P2RY8: variants seen among roughly 807,000 people sequenced by gnomAD.
P2RY8 encodes the protein P2Y receptor family member 8.
In P2RY8, 6 loss-of-function variants were observed where a neutral mutation model predicts 10.0. The ratio of observed to expected loss-of-function variants is 0.60; its 90% confidence interval spans 0.33 to 1.19. The LOEUF (loss-of-function observed/expected upper bound fraction) is 1.19, where lower values mean the gene tolerates loss of function less well. P2RY8 is among the 50% of genes most tolerant of loss of function. The probability of loss-of-function intolerance (pLI) is 0.04; values close to 1 mark genes in which losing one functional copy is unlikely to be tolerated. For synonymous variants in P2RY8, 276 were observed against 252.5 expected (o/e 1.09, Z -0.88); for missense variants, 456 against 542.0 (o/e 0.84, Z 1.58).
At chrX:1,511,689 T>G (rs1227236150) in intron 1 of P2RY8, among the ~76,000 whole-genome samples, 6 of 152,038 alleles carry the variant, frequency 3.9e-5, no homozygotes, top group African/African-American at 1.5e-4. Context: ...CCAACCAATC[T>G]CGTGATTTTA....
intron 1 of P2RY8, among the ~76,000 whole-genome samples, chrX:1,484,087 A>C (rs2149386381): frequency 6.6e-6 from 1 of 152,148 alleles, no homozygotes; most frequent in East Asian, 1.9e-4. Flanking sequence ...ATACCTAAAA[A>C]GCTGGGTTCC....
chrX:1,513,475 T>C (rs1236256580), intron 1 of P2RY8, among the ~76,000 whole-genome samples: 2 of 151,158 alleles, frequency 1.3e-5, no homozygotes, highest in Non-Finnish European at 3.0e-5. Flanking sequence ...TCCCTGGGCT[T>C]GTGGCCGCAT....
chrX:1,466,966 C>A (rs1251003125), intron 1 of P2RY8, among the ~76,000 whole-genome samples: 1 of 104,606 alleles, frequency 9.6e-6, no homozygotes, highest in African/African-American at 3.5e-5. Context: ...GAGGCTGAGA[C>A]TCTTAGATGA....
chrX:1,485,773 A>G (rs1391975138), intron 1 of P2RY8, among the ~76,000 whole-genome samples: 1 of 149,132 alleles, frequency 6.7e-6, no homozygotes, highest in Non-Finnish European at 1.5e-5. Flanking sequence ...TATGTTATAT[A>G]TAATTTGTGT....
chrX:1,511,732 A>G (rs2092298969), intron 1 of P2RY8, among the ~76,000 whole-genome samples: 1 of 152,186 alleles, frequency 6.6e-6, no homozygotes, highest in South Asian at 2.1e-4. Flanking sequence ...GACGGCACTG[A>G]GCATTGCCTT....
intron 1 of P2RY8, among the ~76,000 whole-genome samples, chrX:1,513,145 G>C (rs2092312241): frequency 6.6e-6 from 1 of 151,110 alleles, no homozygotes; most frequent in African/African-American, 2.4e-5. Context: ...TCTTGTGTTA[G>C]TTTGCTGAGA....
At chrX:1,524,901 C>CCATCCATA (rs2092429821) in intron 1 of P2RY8, among the ~76,000 whole-genome samples, 1 of 151,092 alleles carries the variant, frequency 6.6e-6, no homozygotes, top group Non-Finnish European at 1.5e-5. Flanking sequence ...ATCCATCCAT[C>CCATCCATA]CATCCATCCA....
intron 1 of P2RY8, among the ~76,000 whole-genome samples, chrX:1,500,835 T>G (rs1273445106): frequency 6.6e-6 from 1 of 152,050 alleles, no homozygotes; most frequent in Non-Finnish European, 1.5e-5. Context: ...TGGGCTGCCG[T>G]GGACATAGGA....
At chrX:1,486,557 T>C (rs1263422013) in intron 1 of P2RY8, among the ~76,000 whole-genome samples, 1 of 152,140 alleles carries the variant, frequency 6.6e-6, no homozygotes, top group Non-Finnish European at 1.5e-5. Flanking sequence ...TGGCTGGGAC[T>C]GGGGATGGGG....
At chrX:1,521,416 T>TTCCC (rs1556685296) in intron 1 of P2RY8, among the ~76,000 whole-genome samples, 1 of 152,014 alleles carries the variant, frequency 6.6e-6, no homozygotes, top group African/African-American at 2.4e-5. Context: ...TTCTCTCTGA[T>TTCCC]CCATCACCCC....
chrX:1,471,940 C>T (rs4303028), intron 1 of P2RY8, among the ~76,000 whole-genome samples: 81,319 of 151,876 alleles, frequency 0.54, 21,960 homozygotes, highest in South Asian at 0.65. Flanking sequence ...CCGTGCTTGT[C>T]GTCTGCTCTC....
chrX:1,501,849 T>G (rs2092183612), intron 1 of P2RY8, among the ~76,000 whole-genome samples: 1 of 152,152 alleles, frequency 6.6e-6, no homozygotes, highest in East Asian at 1.9e-4. Flanking sequence ...TGTCTCGGCC[T>G]CCCAAAGTGC....
intron 1 of P2RY8, among the ~76,000 whole-genome samples, chrX:1,516,433 A>G (rs35923669): frequency 0.31 from 46,558 of 148,398 alleles, 7,520 homozygotes; most frequent in Middle Eastern, 0.46. Flanking sequence ...AGCCTCCAGG[A>G]CTGTGGGAGA....
At chrX:1,490,968 G>C (rs1408874029) in intron 1 of P2RY8, among the ~76,000 whole-genome samples, 2 of 150,934 alleles carry the variant, frequency 1.3e-5, no homozygotes, top group Non-Finnish European at 2.9e-5. Context: ...AATGTAGAGA[G>C]AATGAATGAA....
rs551316690 is a variant in P2RY8, at chrX:1,515,421, G to C, written c.-25+21500C>G. Among the ~76,000 whole-genome samples the C allele has an allele frequency of 6.7e-5, 10 of 149,988 alleles. No individual in the cohort carries two copies. In the South Asian group the frequency reaches 1.5e-3, roughly 22 times the overall value. On this transcript the variant is annotated intron_variant, in intron 1 of 1. Coordinates refer to ENST00000381297, the MANE Select transcript of P2RY8 (RefSeq NM_178129.5). ...AGTTTTGCTCTTGTTGCCCAGGCTG[G>C]AGTGCAATGGCACAATCTCTGCTCA...
At chrX:1,529,517 C>T (rs1177230419) in intron 1 of P2RY8, among the ~76,000 whole-genome samples, 3 of 151,890 alleles carry the variant, frequency 2.0e-5, no homozygotes, top group East Asian at 3.9e-4. Flanking sequence ...ACTCCTGGGG[C>T]GTGGTGGGTG....
At chrX:1,492,150 C>A (rs1411465397) in intron 1 of P2RY8, among the ~76,000 whole-genome samples, 6 of 152,014 alleles carry the variant, frequency 3.9e-5, no homozygotes, top group Admixed American at 3.9e-4. Flanking sequence ...GTGGTCCAAG[C>A]CTTTCAATCA....
chrX:1,512,595 A>G (rs771343567), intron 1 of P2RY8, among the ~76,000 whole-genome samples: 2 of 151,840 alleles, frequency 1.3e-5, no homozygotes, highest in African/African-American at 4.8e-5. Context: ...GTAATTTATA[A>G]AGGAAAGAGG....
At chrX:1,478,548 G>A (rs5949206) in intron 1 of P2RY8, among the ~76,000 whole-genome samples, 38,030 of 151,556 alleles carry the variant, frequency 0.25, 5,573 homozygotes, top group East Asian at 0.58. Context: ...GCACGATCTC[G>A]GCTCACTGCA....
Sources: gnomAD v4.1 joint callset for allele counts (sites outside exome capture counted in the v4.1 genomes callset) on GRCh38, gnomAD v4.1.1 for gene constraint, MANE v1.5 for transcripts, NCBI Gene and HGNC (gene_info 2026-07-23, HGNC 2026-07-21) for gene names.